The following DNAJC17 variants were observed in gnomAD, a reference collection of about 807,000 sequenced individuals.
The protein encoded by DNAJC17 is dnaJ homolog subfamily C member 17.
In DNAJC17, 35 loss-of-function variants were observed where a neutral mutation model predicts 48.1. That is an observed-to-expected ratio of 0.73 (90% CI 0.56 to 0.96). The LOEUF is 0.96. Ranked by LOEUF, DNAJC17 falls within the 50% of genes least tolerant of loss-of-function variation. DNAJC17 has a pLI of 0.00. For synonymous variants in DNAJC17, 117 were observed against 142.7 expected, an observed-to-expected ratio of 0.82 and a Z score of 1.28; for missense variants, 355 against 377.1, an observed-to-expected ratio of 0.94 and a Z score of 0.48.
At chr15:40,803,857 G>A (rs1437429370) in intron 1 of DNAJC17, among the ~76,000 whole-genome samples, 4 of 152,076 alleles carry the variant, frequency 2.6e-5, no homozygotes, top group Non-Finnish European at 5.9e-5. Flanking sequence ...AGCCACCACT[G>A]CCCAGCTCAG....
At chr15:40,792,024 A>G (rs1889820498) in intron 1 of DNAJC17, among the ~76,000 whole-genome samples, 1 of 152,208 alleles carries the variant, frequency 6.6e-6, no homozygotes, top group Non-Finnish European at 1.5e-5. Flanking sequence ...TAACCACCCT[A>G]GGGCCTAGAG....
Position 40,770,368 on chromosome 15 carries a change from C to A in DNAJC17, c.793-2306G>T. ...TCCAAGATGTGGTCAAAGGTCTGTGCTGAGTGGAAACCCTGAGGCCTCTGC... is the reference window on the plus strand; with the variant it reads ...TCCAAGATGTGGTCAAAGGTCTGTGATGAGTGGAAACCCTGAGGCCTCTGC... On this transcript the variant is annotated intron_variant, in intron 10 of 10. Coordinates refer to ENST00000220496, the MANE Select transcript of DNAJC17 (RefSeq NM_018163.3). This position sits in a 1 kb window ranked among gnomAD's most constrained non-coding sequence, Gnocchi z 5.0. The A allele has an allele frequency of 1.1e-6, 1 of 892,612 alleles. No homozygotes were observed. The highest frequency in any genetic ancestry group is 1.7e-6 in the Non-Finnish European group (1 of 600,446). The allele number at this position is 892,612 out of a possible 1,614,324, so 55.3% of individuals were successfully genotyped here.
intron 1 of DNAJC17, among the ~76,000 whole-genome samples, chr15:40,796,324 T>C (rs570296489): frequency 5.3e-5 from 8 of 152,232 alleles, no homozygotes; most frequent in African/African-American, 1.7e-4. Context: ...TAAGGTGTAG[T>C]AGTGAGATCT....
intron 10 of DNAJC17, among the ~76,000 whole-genome samples, chr15:40,768,368 C>G (rs1424813340): frequency 6.6e-6 from 1 of 152,218 alleles, no homozygotes; most frequent in African/African-American, 2.4e-5. Context: ...AGGCCCTCGT[C>G]TCCCTTCATT....
intron 1 of DNAJC17, among the ~76,000 whole-genome samples, chr15:40,797,626 G>C (rs1889970002): frequency 6.6e-6 from 1 of 151,256 alleles, no homozygotes; most frequent in East Asian, 1.9e-4. Flanking sequence ...TGGCCAAGCT[G>C]GTCTTGAACT....
intron 1 of DNAJC17, among the ~76,000 whole-genome samples, chr15:40,803,447 G>A (rs377162056): frequency 1.6e-4 from 25 of 152,328 alleles, no homozygotes; most frequent in African/African-American, 5.8e-4. Context: ...GTGTAAATGG[G>A]AGTAAGTGCT....
In DNAJC17 at chr15:40,776,684, C is replaced by T. The variant is rs368186942; in HGVS notation, c.296-57G>A. 6.0e-5 allele frequency: 94 copies of T among 1,574,266 alleles called. 1 individual carries two copies. Among genetic ancestry groups the T allele is most frequent in the Non-Finnish European group, 7.4e-5 (85 of 1,147,968 alleles). ...GGTCTGTTCAGTTTCCATGTGGCCT[C>T]GGCCCACCCCAGCTCTGGCTGCCTC... On this transcript the variant is annotated intron_variant, in intron 4 of 10. Coordinates refer to ENST00000220496, the MANE Select transcript of DNAJC17 (RefSeq NM_018163.3).
intron 1 of DNAJC17, among the ~76,000 whole-genome samples, chr15:40,796,282 G>T (rs1043561803): frequency 6.6e-6 from 1 of 152,156 alleles, no homozygotes; most frequent in African/African-American, 2.4e-5. Context: ...ATTCTAATGG[G>T]AGAGCAATGG....
At chr15:40,798,570 G>C (rs73398567) in intron 1 of DNAJC17, among the ~76,000 whole-genome samples, 2,804 of 152,290 alleles carry the variant, frequency 0.018, 83 homozygotes, top group African/African-American at 0.065. Flanking sequence ...GATGTGGCTG[G>C]AGCACAGTCA....
At chr15:40,777,667 G>A (rs945592652) in intron 4 of DNAJC17, among the ~76,000 whole-genome samples, 11 of 151,310 alleles carry the variant, frequency 7.3e-5, no homozygotes, top group East Asian at 3.9e-4. Flanking sequence ...GAAGTGAGCC[G>A]AGATCGTGCC....
Position 40,767,168 on chromosome 15 carries a change from T to C in DNAJC17, c.*772A>G, listed in dbSNP as rs2141941513. On this transcript the variant is annotated 3_prime_UTR_variant, in exon 11 of 11. Coordinates refer to ENST00000220496, the MANE Select transcript of DNAJC17 (RefSeq NM_018163.3). ...AGGCTGCCTGCTGCAGACACTAGCT[T>C]TGTACCAGGAGCTTGCTGTGTGCCC... 35 of 1,434,064 alleles carry C rather than the reference T, an allele frequency of 2.4e-5. No individual in the cohort carries two copies. Among genetic ancestry groups the C allele is most frequent in the Non-Finnish European group, 3.2e-5 (35 of 1,089,688 alleles). The allele number at this position is 1,434,064 out of a possible 1,614,324, so 88.8% of individuals were successfully genotyped here. A position where few individuals can be genotyped will look rare whatever the true frequency, so the allele number is the denominator to read the frequency against.
Position 40,774,532 on chromosome 15 carries a change from G to A in DNAJC17, c.601-96C>T, listed in dbSNP as rs954716334. The A allele has an allele frequency of 7.5e-6, 10 of 1,336,348 alleles. No individual in the cohort carries two copies. The African/African-American group carries it at 1.3e-4, about 17-fold the overall frequency. The allele number at this position is 1,336,348 out of a possible 1,614,324, so 82.8% of individuals were successfully genotyped here. ...GCCTGGGCTACCTTGAGGCCCATGG[G>A]GCATTTTCAGTTGGGAGATAACTTC... On this transcript the variant is annotated intron_variant, in intron 8 of 10. Transcript: ENST00000220496.
intron 1 of DNAJC17, among the ~76,000 whole-genome samples, chr15:40,781,794 C>CG (rs11422501): frequency 0.092 from 13,871 of 151,538 alleles, 1,716 homozygotes; most frequent in African/African-American, 0.28. Context: ...TGGTGGCGGG[C>CG]GCCTGTAGTC....
intron 1 of DNAJC17, among the ~76,000 whole-genome samples, chr15:40,789,066 T>C (rs1012999501): frequency 4.6e-5 from 7 of 152,136 alleles, no homozygotes; most frequent in Non-Finnish European, 7.4e-5. Flanking sequence ...CTCAGCTCAA[T>C]GCTCCCAAAA....
chr15:40,780,278 C>A (rs749701310), intron 1 of DNAJC17: 1 of 592,008 alleles, frequency 1.7e-6, no homozygotes, highest in Admixed American at 2.2e-5. Context: ...AGCACAGTAC[C>A]CCGCTTTCTC....
Position 40,770,449 on chromosome 15 carries a change from C to T in DNAJC17, c.793-2387G>A, listed in dbSNP as rs1169430597. The T allele has an allele frequency of 1.3e-6, 2 of 1,507,472 alleles. No individual in the cohort carries two copies. Among genetic ancestry groups the T allele is most frequent in the South Asian group, 1.3e-5 (1 of 76,554 alleles). 93.4% of individuals were successfully genotyped at this position (1,507,472 alleles called of 1,614,324 possible). A position where few individuals can be genotyped will look rare whatever the true frequency, so the allele number is the denominator to read the frequency against. On this transcript the variant is annotated intron_variant, in intron 10 of 10. Transcript: ENST00000220496. The surrounding 1 kb of genome is among the most constrained non-coding windows in gnomAD (Gnocchi z 5.0). ...TCACTGCCCCAGCAGGGACCACATG[C>T]ACCCTGGCTGCTCCTGAACACCTGT...
intron 3 of DNAJC17, 37 bp from the exon 4 acceptor site, chr15:40,779,347 G>A: frequency 1.9e-6 from 3 of 1,610,122 alleles, no homozygotes. Flanking sequence ...GAGGGTCAGT[G>A]AGAGAGTAAA....
At chr15:40,776,709 C>A in intron 4 of DNAJC17, 82 bp from the exon 5 acceptor site, 1 of 1,409,158 alleles carries the variant, frequency 7.1e-7, no homozygotes, top group Non-Finnish European at 1.0e-6. Context: ...CTGGCTGCCT[C>A]CCCAAAGTCT....
intron 1 of DNAJC17, among the ~76,000 whole-genome samples, chr15:40,801,867 G>C (rs1401020017): frequency 1.3e-5 from 2 of 152,092 alleles, no homozygotes; most frequent in African/African-American, 2.4e-5. Context: ...AGGCTCAATA[G>C]ATCAGAATGG....
Sources: allele counts gnomAD v4.1 joint callset (sites outside exome capture counted in the v4.1 genomes callset), GRCh38; gene constraint gnomAD v4.1.1; non-coding constraint Gnocchi (gnomAD v3.1); transcripts MANE v1.5; gene names NCBI Gene and HGNC (gene_info 2026-07-23, HGNC 2026-07-21).